Variants in PAK5 observed in about 807,000 individuals in gnomAD.
PAK5 encodes the protein serine/threonine-protein kinase PAK 5.
PAK5 carries 16 observed loss-of-function variants against 65.9 expected under a neutral mutation model. The ratio of observed to expected loss-of-function variants is 0.24; its 90% CI spans 0.16 to 0.37. The LOEUF (loss-of-function observed/expected upper bound fraction) is 0.37. PAK5 is among the 10% of genes least tolerant of loss of function. The pLI is 1.00. For synonymous variants in PAK5, 371 were observed against 354.9 expected (o/e 1.05, Z -0.51); for missense variants, 785 against 903.9 (o/e 0.87, Z 1.69).
intron 1 of PAK5, among the ~76,000 whole-genome samples, chr20:9,735,648 A>G (rs1198237744): frequency 1.3e-5 from 2 of 152,118 alleles, no homozygotes; most frequent in Non-Finnish European, 2.9e-5. Flanking sequence ...AAAAATAGAA[A>G]CAAAAACAAC....
At chr20:9,754,122 T>C (rs2423462) in intron 1 of PAK5, among the ~76,000 whole-genome samples, 79,729 of 152,056 alleles carry the variant, frequency 0.52, 21,103 homozygotes, top group Admixed American at 0.63. Flanking sequence ...TTAAGATAGT[T>C]AGCATCAGTT....
chr20:9,814,927 T>C (rs1219296007), intron 1 of PAK5, among the ~76,000 whole-genome samples: 1 of 152,130 alleles, frequency 6.6e-6, no homozygotes, highest in Non-Finnish European at 1.5e-5. Context: ...ATTTGGCTCA[T>C]GGTTCTGCAG....
At chr20:9,744,417 G>A (rs1278983221) in intron 1 of PAK5, among the ~76,000 whole-genome samples, 1 of 152,152 alleles carries the variant, frequency 6.6e-6, no homozygotes, top group African/African-American at 2.4e-5. Context: ...TGCTCCTAAT[G>A]TAAGAGCTAG....
At chr20:9,544,793 A>G (rs2045319307) in intron 7 of PAK5, among the ~76,000 whole-genome samples, 1 of 152,174 alleles carries the variant, frequency 6.6e-6, no homozygotes, top group Admixed American at 6.5e-5. Flanking sequence ...ATACACCACA[A>G]ACAACAAATT....
chr20:9,619,840 C>A (rs1204214611), intron 3 of PAK5, among the ~76,000 whole-genome samples: 1 of 152,084 alleles, frequency 6.6e-6, no homozygotes, highest in Non-Finnish European at 1.5e-5. Flanking sequence ...GGGCTCTCAA[C>A]CAATCATCAG....
rs1386438594 is a variant in PAK5 at position 9,580,205 on chromosome 20, T to C, written c.930A>G (p.Gly310=). 1 of 1,614,104 alleles carries C rather than the reference T, an allele frequency of 6.2e-7. No individual in the cohort carries two copies. The highest frequency in any genetic ancestry group is 8.5e-7 in the Non-Finnish European group (1 of 1,179,996). ...GASAFKTHPQ[G]HSYNSYTYPR... ...GGTAGGTGTAGGAGTTGTAGGAGTG[T>C]CCTTGGGGATGGGTTTTAAATGCAC... The change falls in exon 4 of 10, where the codon GGA becomes GGG. Residue 310 remains glycine, a synonymous_variant. Coordinates refer to ENST00000353224, the MANE Select transcript of PAK5 (RefSeq NM_177990.4).
chr20:9,824,891 T>C (rs773895260), intron 1 of PAK5, among the ~76,000 whole-genome samples: 6 of 152,196 alleles, frequency 3.9e-5, no homozygotes, highest in Non-Finnish European at 8.8e-5. Context: ...TGCCTCCTCA[T>C]GGTACATGCC....
chr20:9,810,768 A>G (rs2049289412), intron 1 of PAK5, among the ~76,000 whole-genome samples: 1 of 152,190 alleles, frequency 6.6e-6, no homozygotes, highest in African/African-American at 2.4e-5. Context: ...AAAATGTACA[A>G]GATCACATTT....
At chr20:9,747,680 G>A (rs1329334020) in intron 1 of PAK5, among the ~76,000 whole-genome samples, 11 of 151,928 alleles carry the variant, frequency 7.2e-5, no homozygotes, top group South Asian at 2.1e-4. Context: ...TTGATGGGAC[G>A]TATTTCAAAA....
intron 2 of PAK5, among the ~76,000 whole-genome samples, chr20:9,656,278 T>G (rs1301098583): frequency 1.3e-5 from 2 of 152,072 alleles, no homozygotes; most frequent in Non-Finnish European, 2.9e-5. Flanking sequence ...GAATAGTCAC[T>G]GAGACAAAAT....
rs1413008079 is a variant in PAK5, at chr20:9,565,936, A to G, written c.1439T>C (p.Met480Thr). 1 of 1,612,838 alleles carries G rather than the reference A, an allele frequency of 6.2e-7. No homozygotes were observed. Among genetic ancestry groups the G allele is most frequent in the East Asian group, 2.2e-5 (1 of 44,802 alleles). The stretch of plus-strand genomic sequence containing the variant: ...TCGTCTCTGTTGCTTCCGGAGGTCC[A>G]TTTTCTTCACTGCAACTTGTTTCCC... ...HTGKQVAVKK[M>T]DLRKQQRREL... Residue 480 changes from methionine (M) to threonine (T), a missense_variant, in exon 5 of 10, where the codon ATG becomes ACG. By Grantham distance (81) the Met-to-Thr change is moderately conservative (BLOSUM62 -1). Transcript: ENST00000353224.
chr20:9,714,166 G>C (rs1165723756), intron 1 of PAK5, among the ~76,000 whole-genome samples: 1 of 151,858 alleles, frequency 6.6e-6, no homozygotes. Context: ...TGAAATCCCA[G>C]AGCCCGGGTA....
chr20:9,667,077 G>A (rs2047429958), intron 2 of PAK5, among the ~76,000 whole-genome samples: 1 of 152,180 alleles, frequency 6.6e-6, no homozygotes, highest in South Asian at 2.1e-4. Flanking sequence ...AGGAGTTTGA[G>A]ACCAGCCTGG....
rs544559709 is a variant in PAK5, at chr20:9,578,290, G to A, written c.990+1855C>T. Among the ~76,000 whole-genome samples the A allele has an allele frequency of 5.3e-5, 8 of 152,248 alleles. 1 individual carries two copies. The East Asian group carries it at 9.6e-4, about 18-fold the overall frequency. On this transcript the variant is annotated intron_variant, in intron 4 of 9. Transcript: ENST00000353224. ...ATTAAATCCCAAAAGCCCATGCTAT[G>A]TGAAAATGTGGACTCAGGGATACCA...
At chr20:9,617,869 T>C (rs1392764999) in intron 3 of PAK5, among the ~76,000 whole-genome samples, 1 of 152,116 alleles carries the variant, frequency 6.6e-6, no homozygotes. Context: ...TCCCAATTCT[T>C]ATCTGAACAG....
At chr20:9,704,996 G>T (rs58547409) in intron 2 of PAK5, among the ~76,000 whole-genome samples, 1 of 152,172 alleles carries the variant, frequency 6.6e-6, no homozygotes. Flanking sequence ...TTGTTCCCTG[G>T]GGAAACATTT....
At chr20:9,672,950 C>A (rs1220213790) in intron 2 of PAK5, among the ~76,000 whole-genome samples, 1 of 152,122 alleles carries the variant, frequency 6.6e-6, no homozygotes, top group African/African-American at 2.4e-5. Context: ...TCTATTAGAT[C>A]CTTGAGGTCC....
chr20:9,828,086 C>T (rs13038856), intron 1 of PAK5, among the ~76,000 whole-genome samples: 46,759 of 151,962 alleles, frequency 0.31, 7,697 homozygotes, highest in Admixed American at 0.39. Context: ...CCACCCACCT[C>T]GGCCTCCCAG....
chr20:9,837,194 T>A (rs2123798253), intron 1 of PAK5, among the ~76,000 whole-genome samples: 1 of 152,372 alleles, frequency 6.6e-6, no homozygotes, highest in East Asian at 1.9e-4. Context: ...TGCCATTGGC[T>A]TATATTGCTT....
Sources: allele counts gnomAD v4.1 joint callset (sites outside exome capture counted in the v4.1 genomes callset), GRCh38; gene constraint gnomAD v4.1.1; transcripts MANE v1.5; gene names NCBI Gene and HGNC (gene_info 2026-07-23, HGNC 2026-07-21).